EMC10: variants seen among roughly 807,000 people sequenced by gnomAD.
The protein encoded by EMC10 is UPF0510 protein INM02.
In EMC10, 40 loss-of-function variants were observed where a neutral mutation model predicts 32.2. The observed-to-expected ratio is 1.24, with a 90% CI of 0.96 to 1.61. The LOEUF is 1.61. Among genes scored for constraint, EMC10 ranks in the 40% most tolerant of loss-of-function variants. The pLI, the probability that EMC10 is intolerant of heterozygous loss-of-function variation, is 0.00. For missense variants in EMC10, 402 were observed against 357.7 expected (o/e 1.12, Z -1.00); for synonymous variants, 178 against 158.4 (o/e 1.12, Z -0.93).
rs1430601936 is a variant in EMC10 at position 50,480,867 on chromosome 19, C to A, written c.585-17C>A. On this transcript the variant is annotated splice_polypyrimidine_tract_variant and intron_variant, in intron 5 of 6. Transcript: ENST00000334976. The surrounding 1 kb of genome is among the most constrained non-coding windows in gnomAD (Gnocchi z 4.4). ...GACTCCGGGCCTCACCCTTCTCCTC[C>A]TCTCCCCTTGCCCCAGCCCTGAGAC... is the stretch of plus-strand genomic sequence containing the variant. 2.5e-6 allele frequency: 4 copies of A among 1,591,216 alleles called. No individual in the cohort carries two copies. The highest frequency in any genetic ancestry group is 3.4e-6 in the Non-Finnish European group (4 of 1,165,536).
At chr19:50,477,513 G>T (rs1048154304) in intron 1 of EMC10, among the ~76,000 whole-genome samples, 3 of 152,220 alleles carry the variant, frequency 2.0e-5, no homozygotes, top group Non-Finnish European at 2.9e-5. Flanking sequence ...AGGAAAGCAT[G>T]AATCTTGAAT....
In EMC10 at chr19:50,480,389, G is replaced by A. The variant is rs1465527904; in HGVS notation, c.402+174G>A. On this transcript the variant is annotated intron_variant, in intron 4 of 6. Transcript: ENST00000334976. This position sits in a 1 kb window ranked among gnomAD's most constrained non-coding sequence, Gnocchi z 4.4. The stretch of plus-strand genomic sequence containing the variant: ...GTCTGGAGGGGTCGGTCCAGGTAGC[G>A]GGTGCTTTCATGGGGATAGCATTGT... Among the ~76,000 whole-genome samples, 1 of 152,212 alleles carries A rather than the reference G, an allele frequency of 6.6e-6. No homozygotes were observed. The highest frequency in any genetic ancestry group is 1.5e-5 in the Non-Finnish European group (1 of 68,032).
Position 50,481,005 on chromosome 19 carries a change from T to C in EMC10, c.678+28T>C, listed in dbSNP as rs368728964. ...GAGTGGGGCTCCCCCGCCTCCCCTA[T>C]TCCCTTCCTGACAGTCCCGGTGCCT... On this transcript the variant is annotated intron_variant, in intron 6 of 6. Transcript: ENST00000334976. 192 of 1,559,738 alleles carry C rather than the reference T, an allele frequency of 1.2e-4. 1 individual carries two copies. Among genetic ancestry groups the C allele is most frequent in the Non-Finnish European group, 1.6e-4 (184 of 1,139,790 alleles).
chr19:50,486,546 G>A lies in EMC10; in HGVS notation c.*4287G>A, dbSNP rs1018068952. 6.6e-6 allele frequency: 1 copy of A among 152,080 alleles called. No homozygotes were observed. The allele number at this position is 152,080 out of a possible 1,614,324, so 9.4% of individuals were successfully genotyped here. A position where few individuals can be genotyped will look rare whatever the true frequency, so the allele number is the denominator to read the frequency against. ...TGGTAAGGATTAGGGGCTAATTACT[G>A]GTGCCTCTTCAGCTGTCAGTCCATC... On this transcript the variant is annotated 3_prime_UTR_variant, in exon 7 of 7. Transcript: ENST00000334976.
intron 1 of EMC10, chr19:50,477,071 C>G (rs887232011): frequency 6.5e-6 from 1 of 154,602 alleles, no homozygotes; most frequent in African/African-American, 2.7e-5. Flanking sequence ...GCCTGGGCAA[C>G]ATAGCGAGCC....
At chr19:50,481,435 C>T (rs1363307036) in intron 6 of EMC10, 1 of 228,000 alleles carries the variant, frequency 4.4e-6, no homozygotes, top group Non-Finnish European at 8.5e-6. Flanking sequence ...CCTGTGCTGC[C>T]AGCAGCAGGT....
At position 50,478,012 on chromosome 19, in the gene EMC10, C is replaced by T. The variant is rs752121250; in HGVS notation, c.187+11C>T. The T allele has an allele frequency of 2.5e-6, 4 of 1,600,750 alleles. No homozygotes were observed. In the African/African-American group the frequency reaches 4.0e-5, roughly 16 times the overall value. ...ACTCATTTGAGATCGGTGAGTCAGG[C>T]AACGTCCTCTCCTAGACACTTAACA... On this transcript the variant is annotated intron_variant, in intron 2 of 6. Transcript: ENST00000334976.
At chr19:50,478,283 C>T (rs1017929177) in intron 2 of EMC10, among the ~76,000 whole-genome samples, 2 of 152,208 alleles carry the variant, frequency 1.3e-5, no homozygotes, top group South Asian at 4.1e-4. Context: ...AGCGGTTCCA[C>T]GCTTTGCAAG....
chr19:50,479,148 C>T (rs1300308540), intron 3 of EMC10, 82 bp downstream of exon 3: 2 of 1,135,232 alleles, frequency 1.8e-6, no homozygotes, highest in African/African-American at 1.5e-5. Context: ...TGCTGGTCCC[C>T]AGCAGCCTTC....
At position 50,483,124 on chromosome 19, in the gene EMC10, G is replaced by A. The variant is rs796272685; in HGVS notation, c.*865G>A. On this transcript the variant is annotated 3_prime_UTR_variant, in exon 7 of 7. Transcript: ENST00000334976. ...TGTAAGTCTATTTAAAAACATCGAC[G>A]ATACATTGAAATGTGTGAACGTTTT... is the stretch of plus-strand genomic sequence containing the variant. 3.4e-5 allele frequency: 16 copies of A among 471,650 alleles called. No individual in the cohort carries two copies. Among genetic ancestry groups the A allele is most frequent in the African/African-American group, 3.0e-4 (15 of 50,772 alleles). The allele number at this position is 471,650 out of a possible 1,614,324, so 29.2% of individuals were successfully genotyped here. A position where few individuals can be genotyped will look rare whatever the true frequency, so the allele number is the denominator to read the frequency against.
chr19:50,478,002 G>A lies in EMC10; in HGVS notation c.187+1G>A, dbSNP rs111360964. The A allele has an allele frequency of 6.2e-7, 1 of 1,602,914 alleles. No homozygotes were observed. Among genetic ancestry groups the A allele is most frequent in the Non-Finnish European group, 8.5e-7 (1 of 1,176,270 alleles). ...CTGCTGGAGCACTCATTTGAGATCG[G>A]TGAGTCAGGCAACGTCCTCTCCTAG... On this transcript the variant is annotated splice_donor_variant, in intron 2 of 6. Coordinates refer to ENST00000334976, the MANE Select transcript of EMC10 (RefSeq NM_206538.4). LOFTEE classifies it high-confidence loss of function.
chr19:50,482,147 A>C lies in EMC10; in HGVS notation c.679-2A>C. The C allele has an allele frequency of 6.6e-7, 1 of 1,509,488 alleles. No individual in the cohort carries two copies. The highest frequency in any genetic ancestry group is 1.4e-5 in the African/African-American group (1 of 70,558). The allele number at this position is 1,509,488 out of a possible 1,614,324, so 93.5% of individuals were successfully genotyped here. On this transcript the variant is annotated splice_acceptor_variant, in intron 6 of 6. Coordinates refer to ENST00000334976, the MANE Select transcript of EMC10 (RefSeq NM_206538.4). LOFTEE classifies it high-confidence loss of function. Reference sequence around the variant, plus strand: ...TCTGTCCATCCTTCCGTCCGGCTGCAGTGGATGTACATCATTCCCGTCGTC... The same window carrying C: ...TCTGTCCATCCTTCCGTCCGGCTGCCGTGGATGTACATCATTCCCGTCGTC...
Position 50,480,960 on chromosome 19 carries a change from T to A in EMC10, c.661T>A (p.Ser221Thr). 1 of 1,612,096 alleles carries A rather than the reference T, an allele frequency of 6.2e-7. No individual in the cohort carries two copies. The highest frequency in any genetic ancestry group is 8.5e-7 in the Non-Finnish European group (1 of 1,178,626). Residue 221 changes from serine to threonine, a missense_variant, in exon 6 of 7, where the codon TCC becomes ACC. Transcript: ENST00000334976. The surrounding 1 kb of genome is among the most constrained non-coding windows in gnomAD (Gnocchi z 4.4). The stretch of plus-strand genomic sequence containing the variant: ...GGCCAAGAACCCCCAGGAGCAGAAG[T>A]CCTTCTTCGCCAAATACGTGAGTGG... ...QKAKNPQEQK[S>T]FFAKYWMYII... is the part of the protein sequence containing the mutation.
chr19:50,478,549 C>T (rs185274333), intron 2 of EMC10, among the ~76,000 whole-genome samples: 5 of 152,312 alleles, frequency 3.3e-5, no homozygotes, highest in Non-Finnish European at 5.9e-5. Context: ...GGCACAAACC[C>T]TGAAGCTGGT....
Position 50,480,003 on chromosome 19 carries a change from G to A in EMC10, c.298-108G>A, listed in dbSNP as rs2040291070. On this transcript the variant is annotated intron_variant, in intron 3 of 6. Transcript: ENST00000334976. The surrounding 1 kb of genome is among the most constrained non-coding windows in gnomAD (Gnocchi z 4.4). ...GGCTGGCCTGGGGAGTGTGGGCCGT[G>A]AGGTGGGTGGGGCTGGAGAGGGGCC... 1 of 860,694 alleles carries A rather than the reference G, an allele frequency of 1.2e-6. No homozygotes were observed. Among genetic ancestry groups the A allele is most frequent in the Non-Finnish European group, 1.8e-6 (1 of 561,268 alleles). 53.3% of individuals were successfully genotyped at this position (860,694 alleles called of 1,614,324 possible). A position where few individuals can be genotyped will look rare whatever the true frequency, so the allele number is the denominator to read the frequency against.
chr19:50,479,950 C>T (rs1395733704), intron 3 of EMC10, among the ~76,000 whole-genome samples, 161 bp from the exon 4 acceptor site: 1 of 152,306 alleles, frequency 6.6e-6, no homozygotes, highest in East Asian at 1.9e-4. Context: ...GCCACCCCAA[C>T]AGGAAGAGTC....
chr19:50,488,439 AAAG>A lies in EMC10; in HGVS notation c.*6181_*6183del, dbSNP rs994933785. 2 of 151,184 alleles carry A rather than the reference AAAG, an allele frequency of 1.3e-5. No homozygotes were observed. The highest frequency in any genetic ancestry group is 2.4e-5 in the African/African-American group (1 of 41,082). 9.4% of individuals were successfully genotyped at this position (151,184 alleles called of 1,614,324 possible). A position where few individuals can be genotyped will look rare whatever the true frequency, so the allele number is the denominator to read the frequency against. On this transcript the variant is annotated 3_prime_UTR_variant, in exon 7 of 7. Coordinates refer to ENST00000334976, the MANE Select transcript of EMC10 (RefSeq NM_206538.4). The stretch of plus-strand genomic sequence containing the variant: ...AGGAAAGAAAGACGAGGGGGTGAAA[AAAG>A]GGACAGGAAGGAAGAGAGGGAGAGG...
At position 50,476,558 on chromosome 19, in the gene EMC10, G is replaced by T; in HGVS notation, c.14G>T (p.Ser5Ile). 1.9e-6 allele frequency: 3 copies of T among 1,574,840 alleles called. No individual in the cohort carries two copies. The highest frequency in any genetic ancestry group is 2.6e-6 in the Non-Finnish European group (3 of 1,165,964). The part of the protein sequence containing the change: MAAA[S>I]AGATRLLLLL... ...GAAGAAGCCGAGATGGCGGCAGCCA[G>T]CGCTGGGGCAACCCGGCTGCTCCTG... The change falls in exon 1 of 7, where the codon AGC (serine) becomes ATC (isoleucine). Residue 5 changes from serine to isoleucine, a missense_variant. Physicochemically the swap from Ser to Ile is moderately radical, Grantham distance 142. Transcript: ENST00000334976.
chr19:50,483,098 C>G lies in EMC10; in HGVS notation c.*839C>G, dbSNP rs766062438. 2.0e-6 allele frequency: 1 copy of G among 499,378 alleles called. No homozygotes were observed. The highest frequency in any genetic ancestry group is 1.5e-5 in the South Asian group (1 of 64,932). 30.9% of individuals were successfully genotyped at this position (499,378 alleles called of 1,614,324 possible). On this transcript the variant is annotated 3_prime_UTR_variant, in exon 7 of 7. Transcript: ENST00000334976. ...GGGCCTTTGCTGTGTGCCACCCTCC[C>G]TGTAAGTCTATTTAAAAACATCGAC...
Sources: gnomAD v4.1 joint callset for allele counts (sites outside exome capture counted in the v4.1 genomes callset) on GRCh38, gnomAD v4.1.1 for gene constraint, Gnocchi (gnomAD v3.1) non-coding constraint, MANE v1.5 for transcripts, NCBI Gene and HGNC (gene_info 2026-07-23, HGNC 2026-07-21) for gene names.